FNBP1: variants seen among roughly 807,000 people sequenced by gnomAD.
FNBP1 encodes formin binding protein 1, also known as formin-binding protein 1.
FNBP1 carries 26 observed loss-of-function variants against 90.6 expected under a neutral mutation model. That is an observed-to-expected ratio of 0.29 (90% confidence interval 0.21 to 0.40). The LOEUF (loss-of-function observed/expected upper bound fraction) is 0.40, where lower values mean the gene tolerates loss of function less well. Ranked by LOEUF, FNBP1 falls within the 10% of genes least tolerant of loss-of-function variation. The pLI, the probability that FNBP1 is intolerant of heterozygous loss-of-function variation, is 1.00. For missense variants in FNBP1, 635 were observed against 768.0 expected, an observed-to-expected ratio of 0.83 and a Z score of 2.05; for synonymous variants, 260 against 265.2, an observed-to-expected ratio of 0.98 and a Z score of 0.19.
chr9:130,043,881 T>C, upstream of FNBP1, among the ~76,000 whole-genome samples: 1 of 152,236 alleles, frequency 6.6e-6, no homozygotes, highest in East Asian at 1.9e-4. Context: ...GATAACTTGT[T>C]TGGTTCAAAT....
At position 129,900,627 on chromosome 9, in the gene FNBP1, A is replaced by G; in HGVS notation, c.1429-80T>C. 1.5e-6 allele frequency: 2 copies of G among 1,325,214 alleles called. No homozygotes were observed. Among genetic ancestry groups the G allele is most frequent in the African/African-American group, 3.0e-5 (2 of 65,964 alleles). The allele number at this position is 1,325,214 out of a possible 1,614,324, so 82.1% of individuals were successfully genotyped here. ...AGAGTGTCCTAAGGTCCCAAAGGCCATCTGAGGGCCAGCCCGGAGCATCCT... is the reference window on the plus strand; with the variant it reads ...AGAGTGTCCTAAGGTCCCAAAGGCCGTCTGAGGGCCAGCCCGGAGCATCCT... On this transcript the variant is annotated intron_variant, in intron 13 of 16. Transcript: ENST00000446176. This position sits in a 1 kb window ranked among gnomAD's most constrained non-coding sequence, Gnocchi z 4.1.
intron 16 of FNBP1, among the ~76,000 whole-genome samples, chr9:129,893,574 T>C (rs965520927): frequency 2.5e-5 from 3 of 119,594 alleles, no homozygotes; most frequent in East Asian, 2.8e-4. Context: ...GATTGTATCA[T>C]TGCCCTTGAG....
At chr9:129,935,886 T>A (rs557454058) in intron 6 of FNBP1, among the ~76,000 whole-genome samples, 1 of 152,204 alleles carries the variant, frequency 6.6e-6, no homozygotes. Flanking sequence ...AATGAATAAA[T>A]AAAGAGACTT....
At chr9:130,025,678 C>T (rs1390277741) in intron 1 of FNBP1, among the ~76,000 whole-genome samples, 5 of 152,246 alleles carry the variant, frequency 3.3e-5, no homozygotes, top group Non-Finnish European at 7.3e-5. Flanking sequence ...AATCCCAGCA[C>T]TTTGGGAGGC....
chr9:130,008,720 G>A (rs2056153169), intron 1 of FNBP1, among the ~76,000 whole-genome samples: 1 of 152,056 alleles, frequency 6.6e-6, no homozygotes, highest in Non-Finnish European at 1.5e-5. Flanking sequence ...AATATGAATT[G>A]GTCTCTTTCC....
chr9:129,905,640 T>A (rs577074285), intron 12 of FNBP1, among the ~76,000 whole-genome samples: 4 of 150,832 alleles, frequency 2.7e-5, no homozygotes, highest in Non-Finnish European at 5.9e-5. Context: ...AATTTGCTGT[T>A]CTTTTTCCGA....
chr9:129,965,790 G>A (rs1473501037), intron 4 of FNBP1, among the ~76,000 whole-genome samples: 2 of 133,682 alleles, frequency 1.5e-5, no homozygotes, highest in East Asian at 2.2e-4. Context: ...GGGAAGGAGG[G>A]AGGGAGGGGG....
At chr9:129,895,452 G>A (rs1229567086) in intron 16 of FNBP1, 28 of 1,124,612 alleles carry the variant, frequency 2.5e-5, no homozygotes, top group Non-Finnish European at 2.9e-5. Flanking sequence ...CAAGAGTAGG[G>A]AAGTCTTTGG....
intron 1 of FNBP1, among the ~76,000 whole-genome samples, chr9:129,996,260 G>A (rs372760380): frequency 9.2e-5 from 14 of 152,272 alleles, no homozygotes; most frequent in Non-Finnish European, 1.8e-4. Context: ...AGCAACAGCC[G>A]AGGATCAGAA....
At position 129,957,687 on chromosome 9, in the gene FNBP1, G is replaced by T. The variant is rs2047166287; in HGVS notation, c.409-223C>A. Among the ~76,000 whole-genome samples the T allele has an allele frequency of 6.6e-6, 1 of 151,978 alleles. No individual in the cohort carries two copies. The highest frequency in any genetic ancestry group is 1.5e-5 in the Non-Finnish European group (1 of 68,000). On this transcript the variant is annotated intron_variant, in intron 5 of 16. Transcript: ENST00000446176. This position sits in a 1 kb window ranked among gnomAD's most constrained non-coding sequence, Gnocchi z 4.3. ...CCACCTCAGCCTCACTAGCTGCTGTGACTACAGGCATGCACCACCATGCCC... is the reference window on the plus strand; with the variant it reads ...CCACCTCAGCCTCACTAGCTGCTGTTACTACAGGCATGCACCACCATGCCC...
Position 130,042,705 on chromosome 9 carries a change from C to T in FNBP1, c.24+247G>A, listed in dbSNP as rs2132479268. Among the ~76,000 whole-genome samples, 1 of 151,846 alleles carries T rather than the reference C, an allele frequency of 6.6e-6. No homozygotes were observed. The highest frequency in any genetic ancestry group is 1.5e-5 in the Non-Finnish European group (1 of 67,854). Reference sequence around the variant, plus strand: ...CCGGGGACAGGGAGGCCCGCCCGCGCCGTTCCTCAGGCCGCCGGGGACCCG... The same window carrying T: ...CCGGGGACAGGGAGGCCCGCCCGCGTCGTTCCTCAGGCCGCCGGGGACCCG... On this transcript the variant is annotated intron_variant, in intron 1 of 16. Coordinates refer to ENST00000446176, the MANE Select transcript of FNBP1 (RefSeq NM_015033.3). This position sits in a 1 kb window ranked among gnomAD's most constrained non-coding sequence, Gnocchi z 5.5.
In FNBP1 at chr9:129,965,329, C is replaced by T. The variant is rs560432206; in HGVS notation, c.346-6776G>A. On this transcript the variant is annotated intron_variant, in intron 4 of 16. Transcript: ENST00000446176. ...AAAATACCTTCTTAATGAACGTGTT[C>T]GAAGTTTTCTAAATGCCTACCTCTC... is the stretch of plus-strand genomic sequence containing the variant. Among the ~76,000 whole-genome samples, 10 of 152,266 alleles carry T rather than the reference C, an allele frequency of 6.6e-5. No homozygotes were observed. The South Asian group carries it at 1.5e-3, about 22-fold the overall frequency.
chr9:129,916,623 A>G (rs565596529), intron 10 of FNBP1, among the ~76,000 whole-genome samples: 2 of 151,978 alleles, frequency 1.3e-5, no homozygotes, highest in Non-Finnish European at 2.9e-5. Context: ...TCTCAAAAAA[A>G]AAACAAAAAA....
chr9:129,983,686 C>G (rs1361223333), intron 2 of FNBP1, among the ~76,000 whole-genome samples: 9 of 152,070 alleles, frequency 5.9e-5, no homozygotes, highest in Non-Finnish European at 8.8e-5. Flanking sequence ...TGGCACATAC[C>G]TGAAGCCCCA....
chr9:129,972,004 C>T (rs75471543), intron 4 of FNBP1, among the ~76,000 whole-genome samples: 3,137 of 151,212 alleles, frequency 0.021, 79 homozygotes, highest in Non-Finnish European at 0.024. Context: ...CCAATCTGTA[C>T]TGTGCTGATG....
At chr9:130,029,289 T>C (rs1271229777) in intron 1 of FNBP1, among the ~76,000 whole-genome samples, 1 of 152,090 alleles carries the variant, frequency 6.6e-6, no homozygotes, top group East Asian at 1.9e-4. Context: ...CTCTGGCTAA[T>C]TTTTTGTAGA....
At chr9:129,899,833 T>C (rs1322924961) in intron 15 of FNBP1, 132 bp downstream of exon 15, 1 of 667,874 alleles carries the variant, frequency 1.5e-6, no homozygotes, top group Non-Finnish European at 2.2e-6. Flanking sequence ...GAAGGGAAGG[T>C]AGGAAGGAAG....
At chr9:129,981,352 G>A (rs1252897065) in intron 2 of FNBP1, among the ~76,000 whole-genome samples, 1 of 152,166 alleles carries the variant, frequency 6.6e-6, no homozygotes, top group Non-Finnish European at 1.5e-5. Flanking sequence ...GCCCCCCAAA[G>A]TGCCACTGCA....
At chr9:130,048,785 CTCT>C in the FNBP1 span, among the ~76,000 whole-genome samples, 1 of 113,002 alleles carries the variant, frequency 8.8e-6, no homozygotes, top group African/African-American at 3.6e-5. Context: ...GCCCAGTTTC[CTCT>C]TTTTTTTTTG....
Sources: allele counts gnomAD v4.1 joint callset (sites outside exome capture counted in the v4.1 genomes callset), GRCh38; gene constraint gnomAD v4.1.1; non-coding constraint Gnocchi (gnomAD v3.1); transcripts MANE v1.5; gene names NCBI Gene and HGNC (gene_info 2026-07-23, HGNC 2026-07-21).